Variants in PIP5K1B observed in about 807,000 individuals in gnomAD.
The protein encoded by PIP5K1B is phosphatidylinositol-4-phosphate 5-kinase type 1 beta.
In PIP5K1B, 42 loss-of-function variants were observed where a neutral mutation model predicts 67.0. The ratio of observed to expected loss-of-function variants is 0.63; its 90% CI spans 0.49 to 0.81. The LOEUF is 0.81. Among genes scored for constraint, PIP5K1B ranks in the 30% least tolerant of loss-of-function variants. The pLI, the probability that PIP5K1B is intolerant of heterozygous loss-of-function variation, is 0.00. For missense variants in PIP5K1B, 459 were observed against 646.3 expected (o/e 0.71, Z 3.14); for synonymous variants, 214 against 231.4 (o/e 0.92, Z 0.68).
rs1564307264 is a variant in PIP5K1B at position 68,999,483 on chromosome 9, T to C, written c.1620+8226T>C. Among the ~76,000 whole-genome samples the C allele has an allele frequency of 3.3e-5, 5 of 152,330 alleles. No homozygotes were observed. The South Asian group carries it at 1.0e-3, about 32-fold the overall frequency. On this transcript the variant is annotated intron_variant, in intron 15 of 15. Coordinates refer to ENST00000265382, the MANE Select transcript of PIP5K1B (RefSeq NM_003558.4). ...TCCTCACAAAGAGGTATCAGGTAAATGACTATATGAACAGAGTCAGTCACC... is the reference window on the plus strand; with the variant it reads ...TCCTCACAAAGAGGTATCAGGTAAACGACTATATGAACAGAGTCAGTCACC...
At chr9:68,887,783 G>A (rs1160005115) in intron 6 of PIP5K1B, among the ~76,000 whole-genome samples, 1 of 152,116 alleles carries the variant, frequency 6.6e-6, no homozygotes, top group Non-Finnish European at 1.5e-5. Context: ...GGAAAGATGA[G>A]GAAATGTGAG....
chr9:68,746,013 T>C (rs1490952352), intron 2 of PIP5K1B, among the ~76,000 whole-genome samples: 1 of 151,944 alleles, frequency 6.6e-6, no homozygotes, highest in Non-Finnish European at 1.5e-5. Flanking sequence ...AAAGCATGAA[T>C]TAAAAAGTTA....
intron 4 of PIP5K1B, among the ~76,000 whole-genome samples, chr9:68,849,557 G>C (rs1822374044): frequency 6.6e-6 from 1 of 152,078 alleles, no homozygotes; most frequent in African/African-American, 2.4e-5. Flanking sequence ...GTAAAGACAG[G>C]GTTTCACCAC....
At chr9:68,980,197 C>T (rs1017934794) in intron 14 of PIP5K1B, among the ~76,000 whole-genome samples, 1 of 152,224 alleles carries the variant, frequency 6.6e-6, no homozygotes, top group Non-Finnish European at 1.5e-5. Flanking sequence ...CACCCACTCC[C>T]TGCCCCAACC....
At chr9:68,965,175 G>A (rs1257905515) in intron 14 of PIP5K1B, among the ~76,000 whole-genome samples, 2 of 151,854 alleles carry the variant, frequency 1.3e-5, no homozygotes, top group Non-Finnish European at 2.9e-5. Context: ...AAATAATATC[G>A]ACTTCACAAG....
At chr9:68,822,776 T>G in intron 4 of PIP5K1B, 93 bp downstream of exon 4, 1 of 861,136 alleles carries the variant, frequency 1.2e-6, no homozygotes, top group Non-Finnish European at 1.9e-6. Flanking sequence ...CAAGCAGTTG[T>G]AAGTTACTAT....
intron 2 of PIP5K1B, among the ~76,000 whole-genome samples, chr9:68,749,489 T>C (rs989137683): frequency 6.6e-6 from 1 of 152,206 alleles, no homozygotes; most frequent in Non-Finnish European, 1.5e-5. Context: ...TGGGAGAGAA[T>C]AAATTTTCGT....
At chr9:68,801,907 C>T (rs1197908381) in intron 2 of PIP5K1B, among the ~76,000 whole-genome samples, 7 of 152,104 alleles carry the variant, frequency 4.6e-5, no homozygotes, top group Non-Finnish European at 7.3e-5. Flanking sequence ...TGGAAACAGG[C>T]GATAGAGAGT....
chr9:68,844,295 G>A (rs906479643), intron 4 of PIP5K1B, among the ~76,000 whole-genome samples: 2 of 152,236 alleles, frequency 1.3e-5, no homozygotes, highest in East Asian at 3.8e-4. Context: ...TGGAAAGAGT[G>A]TGGGGTCAGA....
intron 4 of PIP5K1B, among the ~76,000 whole-genome samples, chr9:68,838,648 G>A (rs1411001462): frequency 6.6e-6 from 1 of 152,126 alleles, no homozygotes; most frequent in African/African-American, 2.4e-5. Flanking sequence ...ATTGAATACT[G>A]TACTCAGTAA....
At chr9:68,888,212 T>C (rs1356055892) in intron 6 of PIP5K1B, among the ~76,000 whole-genome samples, 4 of 151,922 alleles carry the variant, frequency 2.6e-5, no homozygotes, top group Non-Finnish European at 4.4e-5. Context: ...TCTCCTGACC[T>C]CGTCATCCAC....
intron 14 of PIP5K1B, among the ~76,000 whole-genome samples, chr9:68,969,316 C>T (rs1829222977): frequency 6.8e-6 from 1 of 147,300 alleles, no homozygotes; most frequent in Non-Finnish European, 1.5e-5. Flanking sequence ...TGCAGTGAGC[C>T]GAGATCACGC....
intron 2 of PIP5K1B, among the ~76,000 whole-genome samples, chr9:68,786,544 A>G (rs1831627277): frequency 6.6e-6 from 1 of 151,680 alleles, no homozygotes; most frequent in South Asian, 2.1e-4. Flanking sequence ...GCTTTATTTT[A>G]CTAGTGCTGC....
intron 14 of PIP5K1B, among the ~76,000 whole-genome samples, chr9:68,983,170 TG>T (rs1418307598): frequency 2.0e-5 from 3 of 152,212 alleles, no homozygotes; most frequent in African/African-American, 7.2e-5. Flanking sequence ...AGGTCAAAAC[TG>T]GTTTTTGAAT....
intron 6 of PIP5K1B, among the ~76,000 whole-genome samples, chr9:68,884,922 T>C (rs1406169535): frequency 1.3e-5 from 2 of 152,088 alleles, no homozygotes; most frequent in African/African-American, 4.8e-5. Context: ...TAGCTAAAAA[T>C]AGAGCTACCA....
In PIP5K1B at chr9:68,941,721, A is replaced by G. The variant is rs147683218; in HGVS notation, c.1502+931A>G. On this transcript the variant is annotated intron_variant, in intron 14 of 15. Coordinates refer to ENST00000265382, the MANE Select transcript of PIP5K1B (RefSeq NM_003558.4). Reference sequence around the variant, plus strand: ...TTCCTTACGCTTTAAGTCATTTTCCATCTCCAGGCTAGCAGTTCAGTTGAT... The same window carrying G: ...TTCCTTACGCTTTAAGTCATTTTCCGTCTCCAGGCTAGCAGTTCAGTTGAT... Among the ~76,000 whole-genome samples, 10 of 152,324 alleles carry G rather than the reference A, an allele frequency of 6.6e-5. No individual in the cohort carries two copies. The East Asian group carries it at 1.9e-3, about 29-fold the overall frequency.
At chr9:68,711,993 A>G (rs934828464) in intron 1 of PIP5K1B, among the ~76,000 whole-genome samples, 3 of 152,208 alleles carry the variant, frequency 2.0e-5, no homozygotes, top group Non-Finnish European at 2.9e-5. Flanking sequence ...CACTTGTCAC[A>G]GGGATACTGA....
chr9:68,993,532 C>T (rs907871769), intron 15 of PIP5K1B, among the ~76,000 whole-genome samples: 6 of 152,012 alleles, frequency 3.9e-5, no homozygotes, highest in Admixed American at 3.9e-4. Flanking sequence ...TTGCACTGAG[C>T]AATGCTCCAC....
At chr9:68,720,929 T>C (rs916492391) in intron 1 of PIP5K1B, among the ~76,000 whole-genome samples, 2 of 152,232 alleles carry the variant, frequency 1.3e-5, no homozygotes, top group African/African-American at 2.4e-5. Context: ...ATTGTTGTCA[T>C]TGTCATAGCT....
Sources: gnomAD v4.1 joint callset for allele counts (sites outside exome capture counted in the v4.1 genomes callset) on GRCh38, gnomAD v4.1.1 for gene constraint, MANE v1.5 for transcripts, NCBI Gene and HGNC (gene_info 2026-07-23, HGNC 2026-07-21) for gene names.